The following BCL11B variants were observed in gnomAD, a reference collection of about 807,000 sequenced individuals.
The protein encoded by BCL11B is BCL11 transcription factor B.
A neutral mutation model predicts 49.9 loss-of-function variants in BCL11B; 8 were observed. The ratio of observed to expected loss-of-function variants is 0.16; its 90% CI spans 0.09 to 0.29. The LOEUF (loss-of-function observed/expected upper bound fraction) is 0.29, where lower values mean the gene tolerates loss of function less well. Ranked by LOEUF, BCL11B falls within the 10% of genes least tolerant of loss-of-function variation. The probability of loss-of-function intolerance (pLI) is 1.00; values close to 1 mark genes in which losing one functional copy is unlikely to be tolerated. For missense variants in BCL11B, 1,006 were observed against 1,351.0 expected (o/e 0.74, Z 4.00); for synonymous variants, 739 against 637.4 (o/e 1.16, Z -2.40).
At chr14:99,244,076 C>T (rs1190001013) in intron 2 of BCL11B, among the ~76,000 whole-genome samples, 1 of 152,190 alleles carries the variant, frequency 6.6e-6, no homozygotes. Context: ...TGGGGGCTAC[C>T]AGTTCTCCTC....
chr14:99,205,637 G>A lies in BCL11B; in HGVS notation c.640+25708C>T, dbSNP rs189804996. 5.3e-5 allele frequency among the ~76,000 whole-genome samples: 8 copies of A among 152,140 alleles called. No individual in the cohort carries two copies. The highest frequency in any genetic ancestry group is 2.1e-4 in the South Asian group (1 of 4,812). Reference sequence around the variant, plus strand: ...ATTTGACAGGACATTTGAAGCATCCGCCCCCCTACCCCCCAGCTTTGTGGA... The same window carrying A: ...ATTTGACAGGACATTTGAAGCATCCACCCCCCTACCCCCCAGCTTTGTGGA... On this transcript the variant is annotated intron_variant, in intron 3 of 3. Coordinates refer to ENST00000357195, the MANE Select transcript of BCL11B (RefSeq NM_138576.4). The surrounding 1 kb of genome is among the most constrained non-coding windows in gnomAD (Gnocchi z 5.0).
intron 3 of BCL11B, among the ~76,000 whole-genome samples, chr14:99,190,592 A>G (rs565439391): frequency 6.6e-6 from 1 of 152,244 alleles, no homozygotes; most frequent in African/African-American, 2.4e-5. Flanking sequence ...TGGGGAAAAA[A>G]ATCTCTAAGG....
At chr14:99,179,985 G>A (rs780188053) in intron 3 of BCL11B, among the ~76,000 whole-genome samples, 1 of 152,124 alleles carries the variant, frequency 6.6e-6, no homozygotes, top group Non-Finnish European at 1.5e-5. Context: ...CACATGGCAC[G>A]CAGTCTCAGA....
chr14:99,191,106 A>G (rs558479614), intron 3 of BCL11B, among the ~76,000 whole-genome samples: 1 of 152,140 alleles, frequency 6.6e-6, no homozygotes, highest in East Asian at 1.9e-4. Flanking sequence ...TGTCAGTTAG[A>G]AAAAAACAGC....
Position 99,174,040 on chromosome 14 carries a change from C to A in BCL11B, c.*111G>T. On this transcript the variant is annotated 3_prime_UTR_variant, in exon 4 of 4. Coordinates refer to ENST00000357195, the MANE Select transcript of BCL11B (RefSeq NM_138576.4). ...TTGGAGTGCCGCCTCCCCTGGGCCC[C>A]GGGGACACGCGGGGTGCGGGGTGGC... 4 of 1,146,040 alleles carry A rather than the reference C, an allele frequency of 3.5e-6. No individual in the cohort carries two copies. The highest frequency in any genetic ancestry group is 4.9e-6 in the Non-Finnish European group (4 of 812,654). The allele number at this position is 1,146,040 out of a possible 1,614,324, so 71.0% of individuals were successfully genotyped here.
In BCL11B at chr14:99,184,194, G is replaced by A. The variant is rs972051492; in HGVS notation, c.641-7999C>T. ...CTCTCGGTGCCTCCCTTTGGGCAGC[G>A]CATTTTCACACCTCCATGCCCTTGC... On this transcript the variant is annotated intron_variant, in intron 3 of 3. Coordinates refer to ENST00000357195, the MANE Select transcript of BCL11B (RefSeq NM_138576.4). The surrounding 1 kb of genome is among the most constrained non-coding windows in gnomAD (Gnocchi z 6.1). Among the ~76,000 whole-genome samples, 14 of 152,072 alleles carry A rather than the reference G, an allele frequency of 9.2e-5. No individual in the cohort carries two copies. The highest frequency in any genetic ancestry group is 7.9e-4 in the Admixed American group (12 of 15,262).
chr14:99,216,243 T>C (rs190803732), intron 3 of BCL11B, among the ~76,000 whole-genome samples: 28 of 152,280 alleles, frequency 1.8e-4, no homozygotes, highest in Admixed American at 6.5e-5. Context: ...CCTCGCAGAA[T>C]TGGGGTGAGG....
Position 99,175,214 on chromosome 14 carries a change from T to C in BCL11B, c.1622A>G (p.Glu541Gly). ...CTCGTTCTCCAGTAGCAGCTCCTCCTCCTCCTCCTCCTCCTCCTCGTCCTC... is the reference window on the plus strand; with the variant it reads ...CTCGTTCTCCAGTAGCAGCTCCTCCCCCTCCTCCTCCTCCTCCTCGTCCTC... ...EEEDEEEEEEEEELLLENESR... is the reference protein window; with the variant it reads ...EEEDEEEEEEGEELLLENESR... Residue 541 changes from glutamate to glycine, a missense_variant, in exon 4 of 4, where the codon GAG becomes GGG. By Grantham distance (98) the Glu-to-Gly change is moderately conservative (BLOSUM62 -2). Transcript: ENST00000357195. 1 of 1,547,452 alleles carries C rather than the reference T, an allele frequency of 6.5e-7. No homozygotes were observed. The highest frequency in any genetic ancestry group is 8.7e-7 in the Non-Finnish European group (1 of 1,148,470).
At chr14:99,230,499 G>A (rs951297031) in intron 3 of BCL11B, among the ~76,000 whole-genome samples, 7 of 152,310 alleles carry the variant, frequency 4.6e-5, no homozygotes, top group Middle Eastern at 3.4e-3. Flanking sequence ...AGGCCCTGCC[G>A]AGATGCCGGG....
intron 3 of BCL11B, among the ~76,000 whole-genome samples, chr14:99,189,324 C>T (rs1375166886): frequency 6.6e-6 from 1 of 152,210 alleles, no homozygotes; most frequent in Non-Finnish European, 1.5e-5. Context: ...GATGCACAGC[C>T]GAGCTGCCTG....
At chr14:99,236,404 A>G (rs1888500676) in intron 2 of BCL11B, among the ~76,000 whole-genome samples, 1 of 152,144 alleles carries the variant, frequency 6.6e-6, no homozygotes, top group Non-Finnish European at 1.5e-5. Flanking sequence ...TCCTGATCCT[A>G]GCTCATCTCC....
rs1169296752 is a variant in BCL11B, at chr14:99,231,787, G to A, written c.428-230C>T. 6.6e-6 allele frequency among the ~76,000 whole-genome samples: 1 copy of A among 152,014 alleles called. No homozygotes were observed. The highest frequency in any genetic ancestry group is 1.5e-5 in the Non-Finnish European group (1 of 67,954). Reference sequence around the variant, plus strand: ...GAGGGCCCGGTTTCCACAGCTGCCAGGCTGGGCTGTCGGGGAGGCAGGACC... The same window carrying A: ...GAGGGCCCGGTTTCCACAGCTGCCAAGCTGGGCTGTCGGGGAGGCAGGACC... On this transcript the variant is annotated intron_variant, in intron 2 of 3. Coordinates refer to ENST00000357195, the MANE Select transcript of BCL11B (RefSeq NM_138576.4). The surrounding 1 kb of genome is among the most constrained non-coding windows in gnomAD (Gnocchi z 8.1).
At chr14:99,188,542 G>T (rs1196062804) in intron 3 of BCL11B, among the ~76,000 whole-genome samples, 1 of 80,372 alleles carries the variant, frequency 1.2e-5, no homozygotes, top group African/African-American at 5.8e-5. Flanking sequence ...GCTGGCCTGG[G>T]GCTGGGGCTG....
At position 99,175,266 on chromosome 14, in the gene BCL11B, G is replaced by C. The variant is rs1159898529; in HGVS notation, c.1570C>G (p.Pro524Ala). The C allele has an allele frequency of 6.5e-7, 1 of 1,541,704 alleles. No homozygotes were observed. Among genetic ancestry groups the C allele is most frequent in the South Asian group, 1.2e-5 (1 of 84,676 alleles). ...DGDFRHHESDPSLGHEPEEED... is the reference protein window; with the variant it reads ...DGDFRHHESDASLGHEPEEED... ...TCCTCCGGCTCGTGGCCCAGCGACGGGTCGCTCTCGTGGTGGCGGAAGTCA... is the reference window on the plus strand; with the variant it reads ...TCCTCCGGCTCGTGGCCCAGCGACGCGTCGCTCTCGTGGTGGCGGAAGTCA... The change falls in exon 4 of 4, where the codon CCG (proline) becomes GCG (alanine). Residue 524 changes from proline to alanine, a missense_variant. Pro to Ala is a conservative substitution (Grantham distance 27). Transcript: ENST00000357195.
chr14:99,208,454 T>G (rs539224100), intron 3 of BCL11B, among the ~76,000 whole-genome samples: 26 of 152,340 alleles, frequency 1.7e-4, no homozygotes, highest in African/African-American at 6.0e-4. Flanking sequence ...TGCCACTGGC[T>G]GTTGGCAGCC....
rs758555439 is a variant in BCL11B at position 99,176,222 on chromosome 14, A to G, written c.641-27T>C. ...TGGGGAAACACACGGACAGAAAGGCAGAGACAGCGTGAGAAGCGGCAGCGG... is the reference window on the plus strand; with the variant it reads ...TGGGGAAACACACGGACAGAAAGGCGGAGACAGCGTGAGAAGCGGCAGCGG... On this transcript the variant is annotated intron_variant, in intron 3 of 3. Transcript: ENST00000357195. 7 of 1,602,098 alleles carry G rather than the reference A, an allele frequency of 4.4e-6. No homozygotes were observed. The East Asian group carries it at 9.0e-5, about 21-fold the overall frequency.
At chr14:99,206,463 A>C (rs1194539383) in intron 3 of BCL11B, among the ~76,000 whole-genome samples, 2 of 152,198 alleles carry the variant, frequency 1.3e-5, no homozygotes, top group African/African-American at 4.8e-5. Flanking sequence ...AGCCACTCCA[A>C]GTAGTGTGAT....
chr14:99,192,213 A>G lies in BCL11B; in HGVS notation c.641-16018T>C, dbSNP rs1366779548. Among the ~76,000 whole-genome samples, 1 of 152,192 alleles carries G rather than the reference A, an allele frequency of 6.6e-6. No individual in the cohort carries two copies. The highest frequency in any genetic ancestry group is 2.4e-5 in the African/African-American group (1 of 41,452). The stretch of plus-strand genomic sequence containing the variant: ...CGTGTGTTTTGCTTGGCGGCTGTTC[A>G]TAATACTGTCTTGGCAGCGTTTCCT... On this transcript the variant is annotated intron_variant, in intron 3 of 3. Coordinates refer to ENST00000357195, the MANE Select transcript of BCL11B (RefSeq NM_138576.4). This position sits in a 1 kb window ranked among gnomAD's most constrained non-coding sequence, Gnocchi z 4.0.
Position 99,175,604 on chromosome 14 carries a change from G to C in BCL11B, c.1232C>G (p.Pro411Arg). Reference protein sequence around the residue: ...SPFLSTPPLPPMPPGGTPPPQ... With the variant: ...SPFLSTPPLPRMPPGGTPPPQ... ...GGGCGGCGTGCCGCCAGGGGGCATG[G>C]GCGGCAGCGGCGGCGTGCTCAGGAA... is the stretch of plus-strand genomic sequence containing the variant. The change falls in exon 4 of 4, where the codon CCC becomes CGC. Residue 411 changes from proline (P) to arginine (R), a missense_variant. Pro to Arg is a moderately radical substitution (Grantham distance 103). This residue lies in a region of BCL11B where 97 missense variants were observed against 81.5 expected (regional missense o/e 1.19). Transcript: ENST00000357195. The C allele has an allele frequency of 6.4e-7, 1 of 1,562,742 alleles. No individual in the cohort carries two copies.
Sources: allele counts gnomAD v4.1 joint callset (sites outside exome capture counted in the v4.1 genomes callset), GRCh38; gene constraint gnomAD v4.1.1; regional missense constraint gnomAD v4.1.1; non-coding constraint Gnocchi (gnomAD v3.1); transcripts MANE v1.5; gene names NCBI Gene and HGNC (gene_info 2026-07-23, HGNC 2026-07-21).